PTPRD: variants seen among roughly 807,000 people sequenced by gnomAD.
PTPRD encodes protein tyrosine phosphatase receptor type D.
PTPRD carries 34 observed loss-of-function variants against 214.5 expected under a neutral mutation model. The observed-to-expected ratio is 0.16, with a 90% CI of 0.12 to 0.21. The LOEUF (loss-of-function observed/expected upper bound fraction) is 0.21, where lower values mean the gene tolerates loss of function less well. Ranked by LOEUF, PTPRD falls within the 10% of genes least tolerant of loss-of-function variation. The pLI is 1.00. For synonymous variants in PTPRD, 1,128 were observed against 845.7 expected (o/e 1.33, Z -5.79); for missense variants, 2,545 against 2,398.7 (o/e 1.06, Z -1.27).
At position 8,488,169 on chromosome 9, in the gene PTPRD, G is replaced by C. The variant is rs143041119; in HGVS notation, c.2468-1820C>G. Among the ~76,000 whole-genome samples the C allele has an allele frequency of 5.1e-3, 777 of 152,288 alleles. 6 individuals carry two copies. Among genetic ancestry groups the C allele is most frequent in the African/African-American group, 0.018 (732 of 41,554 alleles). On this transcript the variant is annotated intron_variant, in intron 27 of 45. Coordinates refer to ENST00000381196, the MANE Select transcript of PTPRD (RefSeq NM_002839.4). ...TAAAAAGATTATGAGACAATACATA[G>C]AATATTAACCTCAGAGATGGACTGA...
chr9:10,481,459 C>G (rs1306509668), intron 2 of PTPRD, among the ~76,000 whole-genome samples: 2 of 152,068 alleles, frequency 1.3e-5, no homozygotes, highest in African/African-American at 4.8e-5. Flanking sequence ...ATTTATCCTT[C>G]CCAAAAGACA....
chr9:9,516,896 A>G (rs569325887), intron 8 of PTPRD, among the ~76,000 whole-genome samples: 1 of 152,220 alleles, frequency 6.6e-6, no homozygotes, highest in African/African-American at 2.4e-5. Context: ...AAAATTAAAC[A>G]TATTTATGGA....
chr9:10,249,267 A>C (rs958761898), intron 3 of PTPRD, among the ~76,000 whole-genome samples: 4 of 152,146 alleles, frequency 2.6e-5, no homozygotes, highest in Non-Finnish European at 5.9e-5. Flanking sequence ...TGAAAAGTAA[A>C]CTTAGTTCTC....
intron 3 of PTPRD, among the ~76,000 whole-genome samples, chr9:10,241,793 G>A (rs989878361): frequency 2.6e-5 from 4 of 151,870 alleles, no homozygotes; most frequent in African/African-American, 9.7e-5. Context: ...AAATACATAT[G>A]TCAAACATAT....
chr9:9,117,220 G>GTT (rs77848911), intron 10 of PTPRD, among the ~76,000 whole-genome samples: 47 of 134,240 alleles, frequency 3.5e-4, no homozygotes, highest in Non-Finnish European at 4.4e-4. Flanking sequence ...AGGAAATTAA[G>GTT]TTTTTTTTTT....
intron 34 of PTPRD, 33 bp downstream of exon 34, chr9:8,449,692 C>G: frequency 1.3e-6 from 2 of 1,587,394 alleles, no homozygotes; most frequent in African/African-American, 2.7e-5. Context: ...CTGGGAAAGA[C>G]TGTGTGTGGA....
chr9:8,386,082 G>A (rs1473367042), intron 37 of PTPRD, among the ~76,000 whole-genome samples: 3 of 152,170 alleles, frequency 2.0e-5, no homozygotes, highest in Admixed American at 2.0e-4. Context: ...GACTCACTGA[G>A]CCACCTTGCC....
chr9:9,523,318 C>T (rs2097035279), intron 8 of PTPRD, among the ~76,000 whole-genome samples: 1 of 152,066 alleles, frequency 6.6e-6, no homozygotes, highest in South Asian at 2.1e-4. Context: ...GCAGTTACCA[C>T]TACATATGAA....
intron 3 of PTPRD, among the ~76,000 whole-genome samples, chr9:10,114,133 A>G (rs1033943017): frequency 2.6e-5 from 4 of 152,192 alleles, no homozygotes; most frequent in Non-Finnish European, 5.9e-5. Context: ...AAAGCACTGT[A>G]AAGGTGGAAA....
intron 7 of PTPRD, among the ~76,000 whole-genome samples, chr9:9,675,929 T>C (rs1165721481): frequency 1.3e-5 from 2 of 152,176 alleles, no homozygotes; most frequent in Non-Finnish European, 2.9e-5. Context: ...ATCAAAATAT[T>C]AACCAACTAT....
chr9:9,843,560 G>A (rs991233461), intron 5 of PTPRD, among the ~76,000 whole-genome samples: 2 of 151,692 alleles, frequency 1.3e-5, no homozygotes, highest in Non-Finnish European at 2.9e-5. Flanking sequence ...TGCAAAATGA[G>A]CCCTCAGTAA....
At position 9,739,172 on chromosome 9, in the gene PTPRD, C is replaced by T. The variant is rs368884534; in HGVS notation, c.-325-4601G>A. Reference sequence around the variant, plus strand: ...ATGCATGAATTCACGTGTATATGCACGTATACATTTTGCATTCACGCATTT... The same window carrying T: ...ATGCATGAATTCACGTGTATATGCATGTATACATTTTGCATTCACGCATTT... On this transcript the variant is annotated intron_variant, in intron 6 of 45. Transcript: ENST00000381196. Among the ~76,000 whole-genome samples the T allele has an allele frequency of 9.9e-5, 15 of 152,208 alleles. No homozygotes were observed. The South Asian group carries it at 2.7e-3, about 27-fold the overall frequency.
intron 2 of PTPRD, among the ~76,000 whole-genome samples, chr9:10,518,903 T>C (rs1032006000): frequency 5.3e-5 from 8 of 151,936 alleles, no homozygotes; most frequent in Admixed American, 3.3e-4. Flanking sequence ...TTAAAATAAA[T>C]CCTCTTCATA....
At chr9:10,355,682 T>C (rs2097263942) in intron 2 of PTPRD, among the ~76,000 whole-genome samples, 1 of 152,094 alleles carries the variant, frequency 6.6e-6, no homozygotes, top group South Asian at 2.1e-4. Flanking sequence ...TTCACCATGT[T>C]GGTCAGGGTG....
chr9:9,057,482 A>C (rs987054368), intron 10 of PTPRD, among the ~76,000 whole-genome samples: 1 of 152,222 alleles, frequency 6.6e-6, no homozygotes, highest in Non-Finnish European at 1.5e-5. Flanking sequence ...AAATGGATTT[A>C]GATTCCACTA....
At position 8,500,979 on chromosome 9, in the gene PTPRD, C is replaced by A. The variant is rs201029964; in HGVS notation, c.1903G>T (p.Val635Leu). Reference sequence around the variant, plus strand: ...GTGATAATGCCATTCTGTTTTTCCACTGGTGGAGGTTGCCAACTTACCAAA... The same window carrying A: ...GTGATAATGCCATTCTGTTTTTCCAATGGTGGAGGTTGCCAACTTACCAAA... Reference protein sequence around the residue: ...SILVSWQPPPVEKQNGIITEY... With the variant: ...SILVSWQPPPLEKQNGIITEY... The change falls in exon 24 of 46, where the codon GTG becomes TTG. Residue 635 changes from valine (V) to leucine (L), a missense_variant. Val to Leu is a conservative substitution (Grantham distance 32, BLOSUM62 1). Transcript: ENST00000381196. 2 of 1,614,054 alleles carry A rather than the reference C, an allele frequency of 1.2e-6. No homozygotes were observed. Among genetic ancestry groups the A allele is most frequent in the Non-Finnish European group, 1.7e-6 (2 of 1,180,008 alleles).
intron 8 of PTPRD, among the ~76,000 whole-genome samples, chr9:9,459,058 G>C (rs1252390801): frequency 2.6e-5 from 4 of 152,066 alleles, no homozygotes; most frequent in African/African-American, 4.8e-5. Context: ...CCCACGTGAA[G>C]AAGCTGGGGT....
intron 6 of PTPRD, among the ~76,000 whole-genome samples, chr9:9,755,709 C>G (rs1340440801): frequency 1.3e-5 from 2 of 151,962 alleles, no homozygotes. Flanking sequence ...TAAAAGAATA[C>G]AAAGGCAAAC....
intron 3 of PTPRD, among the ~76,000 whole-genome samples, chr9:10,299,374 G>T (rs1198365842): frequency 6.6e-6 from 1 of 152,088 alleles, no homozygotes; most frequent in East Asian, 1.9e-4. Context: ...AACTTCCCTG[G>T]AAGGCAAGGG....
Sources: gnomAD v4.1 joint callset for allele counts (sites outside exome capture counted in the v4.1 genomes callset) on GRCh38, gnomAD v4.1.1 for gene constraint, MANE v1.5 for transcripts, NCBI Gene and HGNC (gene_info 2026-07-23, HGNC 2026-07-21) for gene names.